Variants in ROBO2 observed in about 807,000 individuals in gnomAD.
ROBO2 encodes the protein roundabout homolog 2.
Under a neutral mutation model 160.8 loss-of-function variants are expected in ROBO2, and 53 were observed. The ratio of observed to expected loss-of-function variants is 0.33; its 90% CI spans 0.26 to 0.41. ROBO2 has a LOEUF of 0.41. Among genes scored for constraint, ROBO2 ranks in the 10% least tolerant of loss-of-function variants. The pLI, the probability that ROBO2 is intolerant of heterozygous loss-of-function variation, is 1.00. For missense variants in ROBO2, 1,577 were observed against 1,722.4 expected (o/e 0.92, Z 1.49); for synonymous variants, 664 against 611.7 (o/e 1.09, Z -1.26).
At chr3:76,319,558 G>T (rs1319545140) in intron 2 of ROBO2, among the ~76,000 whole-genome samples, 2 of 151,424 alleles carry the variant, frequency 1.3e-5, no homozygotes, top group African/African-American at 4.8e-5. Context: ...TTCTATTTTT[G>T]GGGAAAAAAA....
chr3:76,726,553 C>T (rs988333836), intron 2 of ROBO2, among the ~76,000 whole-genome samples: 2 of 151,900 alleles, frequency 1.3e-5, no homozygotes, highest in African/African-American at 2.4e-5. Flanking sequence ...TTTTTCATGT[C>T]GAGTGAGTCC....
chr3:77,499,741 C>T (rs146500573), intron 5 of ROBO2, among the ~76,000 whole-genome samples: 2,623 of 151,192 alleles, frequency 0.017, 70 homozygotes, highest in African/African-American at 0.058. Flanking sequence ...CTCCACCTCC[C>T]GGGTTCAAGT....
intron 5 of ROBO2, among the ~76,000 whole-genome samples, chr3:77,506,259 A>G (rs886928135): frequency 1.3e-5 from 2 of 152,174 alleles, no homozygotes; most frequent in Admixed American, 1.3e-4. Flanking sequence ...AAAGTTCAGT[A>G]AACAGAAAAT....
intron 2 of ROBO2, among the ~76,000 whole-genome samples, chr3:76,634,835 T>A (rs938129681): frequency 1.3e-5 from 2 of 152,094 alleles, no homozygotes; most frequent in African/African-American, 4.8e-5. Flanking sequence ...CAGCAGGAGG[T>A]GCGCAGCAGG....
intron 2 of ROBO2, among the ~76,000 whole-genome samples, chr3:76,717,930 C>A (rs1326123209): frequency 6.6e-6 from 1 of 152,116 alleles, no homozygotes; most frequent in Admixed American, 6.6e-5. Context: ...AAATACTTTG[C>A]AGCTCCTATA....
chr3:77,169,443 T>A (rs1235804784), intron 2 of ROBO2, among the ~76,000 whole-genome samples: 1 of 152,186 alleles, frequency 6.6e-6, no homozygotes, highest in East Asian at 1.9e-4. Context: ...CTTGCCAAGT[T>A]GTTTGTGAAT....
intron 2 of ROBO2, among the ~76,000 whole-genome samples, chr3:76,092,554 T>C (rs1392930120): frequency 6.6e-6 from 1 of 152,178 alleles, no homozygotes; most frequent in Non-Finnish European, 1.5e-5. Flanking sequence ...CATCCATCTC[T>C]TCTCTACTAG....
At chr3:77,500,094 C>A (rs2087363253) in intron 5 of ROBO2, among the ~76,000 whole-genome samples, 1 of 152,122 alleles carries the variant, frequency 6.6e-6, no homozygotes, top group Non-Finnish European at 1.5e-5. Flanking sequence ...TGGGTTGAGA[C>A]CTTCACATTT....
intron 2 of ROBO2, among the ~76,000 whole-genome samples, chr3:76,385,354 A>T (rs2076833082): frequency 6.6e-6 from 1 of 152,214 alleles, no homozygotes; most frequent in Admixed American, 6.5e-5. Context: ...TTTTATATAA[A>T]AATAGTTTCT....
intron 2 of ROBO2, among the ~76,000 whole-genome samples, chr3:76,951,202 T>G (rs2078934629): frequency 6.6e-6 from 1 of 152,230 alleles, no homozygotes; most frequent in Admixed American, 6.5e-5. Flanking sequence ...CATTCTCTAC[T>G]GTGATCTGTA....
intron 2 of ROBO2, among the ~76,000 whole-genome samples, chr3:77,105,274 C>T (rs1051421403): frequency 6.6e-5 from 10 of 152,142 alleles, no homozygotes; most frequent in East Asian, 1.9e-4. Context: ...ATGCAAACTC[C>T]GTGGCGATGA....
intron 2 of ROBO2, among the ~76,000 whole-genome samples, chr3:76,409,020 G>A (rs2075356819): frequency 6.6e-6 from 1 of 152,178 alleles, no homozygotes; most frequent in Admixed American, 6.5e-5. Context: ...GTATTAATAT[G>A]TGAATGACAA....
chr3:76,261,368 A>G (rs1316867547), intron 2 of ROBO2, among the ~76,000 whole-genome samples: 1 of 151,800 alleles, frequency 6.6e-6, no homozygotes, highest in East Asian at 1.9e-4. Context: ...CAGAACCAAA[A>G]TTTTAATTTC....
chr3:76,309,946 C>T (rs1383542660), intron 2 of ROBO2, among the ~76,000 whole-genome samples: 1 of 152,118 alleles, frequency 6.6e-6, no homozygotes, highest in Admixed American at 6.5e-5. Flanking sequence ...GCCTCAGCCT[C>T]CTGAGTAGCT....
At chr3:77,554,560 G>A (rs1010620797) in intron 8 of ROBO2, among the ~76,000 whole-genome samples, 2 of 152,000 alleles carry the variant, frequency 1.3e-5, no homozygotes, top group African/African-American at 2.4e-5. Context: ...ATTTATGGGA[G>A]GAGGGCAAAA....
At chr3:76,565,536 C>T (rs1012463881) in intron 2 of ROBO2, among the ~76,000 whole-genome samples, 1 of 152,088 alleles carries the variant, frequency 6.6e-6, no homozygotes, top group Non-Finnish European at 1.5e-5. Context: ...AAAATGTTTC[C>T]ATTTTTCTTC....
chr3:76,613,202 C>G (rs1399234947), intron 2 of ROBO2, among the ~76,000 whole-genome samples: 2 of 152,088 alleles, frequency 1.3e-5, no homozygotes, highest in Admixed American at 1.3e-4. Context: ...TCATTCCTGT[C>G]TTCCTTTCAG....
At chr3:76,839,766 G>A (rs547781438) in intron 2 of ROBO2, among the ~76,000 whole-genome samples, 1 of 152,292 alleles carries the variant, frequency 6.6e-6, no homozygotes, top group East Asian at 1.9e-4. Context: ...TAAACATTTG[G>A]TAGAATTTAG....
In ROBO2 at chr3:76,506,373, C is replaced by T. The variant is rs13079784; in HGVS notation, c.109+568771C>T. Among the ~76,000 whole-genome samples, 861 of 152,142 alleles carry T rather than the reference C, an allele frequency of 5.7e-3. 7 individuals are homozygous for T. Among genetic ancestry groups the T allele is most frequent in the Non-Finnish European group, 9.9e-3 (674 of 68,018 alleles). The stretch of plus-strand genomic sequence containing the variant: ...TCTTCTAGTCTATATTGTGCTGTGC[C>T]CGAGTGGCACCAATGTTCCAGCTAC... On this transcript the variant is annotated intron_variant, in intron 2 of 26. Coordinates refer to the ROBO2 transcript ENST00000487694.
Sources: gnomAD v4.1 joint callset for allele counts (sites outside exome capture counted in the v4.1 genomes callset) on GRCh38, gnomAD v4.1.1 for gene constraint, MANE v1.5 for transcripts, NCBI Gene and HGNC (gene_info 2026-07-23, HGNC 2026-07-21) for gene names.